The following PKP4 variants were observed in gnomAD, a reference collection of about 807,000 sequenced individuals.
PKP4 encodes the protein plakophilin 4.
A neutral mutation model predicts 145.1 loss-of-function variants in PKP4; 90 were observed. That is an observed-to-expected ratio of 0.62 (90% CI 0.52 to 0.74). The LOEUF (loss-of-function observed/expected upper bound fraction) is 0.74. Among genes scored for constraint, PKP4 ranks in the 30% least tolerant of loss-of-function variants. PKP4 has a pLI of 0.00. For synonymous variants in PKP4, 563 were observed against 577.2 expected, an observed-to-expected ratio of 0.98 and a Z score of 0.35; for missense variants, 1,340 against 1,482.7, an observed-to-expected ratio of 0.90 and a Z score of 1.58.
At chr2:158,493,042 TC>T (rs1458797959) in intron 1 of PKP4, among the ~76,000 whole-genome samples, 1 of 152,172 alleles carries the variant, frequency 6.6e-6, no homozygotes, top group African/African-American at 2.4e-5. Context: ...ATTATAACAG[TC>T]CTTTGACCCC....
In PKP4 at chr2:158,600,111, C is replaced by T. The variant is rs536106691; in HGVS notation, c.246-2959C>T. On this transcript the variant is annotated intron_variant, in intron 3 of 21. Transcript: ENST00000389759. ...CTTCCTGTAAACAAAACTGATTTTTCGTATTAAAATGAACTGTTTTGTTAA... is the reference window on the plus strand; with the variant it reads ...CTTCCTGTAAACAAAACTGATTTTTTGTATTAAAATGAACTGTTTTGTTAA... 1.4e-4 allele frequency among the ~76,000 whole-genome samples: 21 copies of T among 152,240 alleles called. No homozygotes were observed. The East Asian group carries it at 4.0e-3, about 29-fold the overall frequency.
chr2:158,500,908 ATGC>A (rs1696460309), intron 1 of PKP4, among the ~76,000 whole-genome samples: 1 of 152,174 alleles, frequency 6.6e-6, no homozygotes, highest in East Asian at 1.9e-4. Flanking sequence ...CAGAATCTTG[ATGC>A]CCAGCCTCCC....
intron 2 of PKP4, among the ~76,000 whole-genome samples, chr2:158,572,708 A>G (rs1478768259): frequency 6.6e-6 from 1 of 152,218 alleles, no homozygotes; most frequent in Non-Finnish European, 1.5e-5. Context: ...TACGATACCT[A>G]TGAGATTCAA....
At chr2:158,523,358 C>CG (rs1475731770) in intron 1 of PKP4, among the ~76,000 whole-genome samples, 3 of 67,366 alleles carry the variant, frequency 4.5e-5, no homozygotes, top group South Asian at 1.0e-3. Context: ...GAGGCACCCC[C>CG]CCAGCAGGGG....
At position 158,577,295 on chromosome 2, in the gene PKP4, C is replaced by G. The variant is rs771934822; in HGVS notation, c.157C>G (p.Arg53Gly). The change falls in exon 3 of 22, where the codon CGA becomes GGA. Residue 53 changes from arginine to glycine, a missense_variant. Coordinates refer to ENST00000389759, the MANE Select transcript of PKP4 (RefSeq NM_003628.6). ...GGAGCTTCAGTTTCAGCGACTCACC[C>G]GAGAACTGGAAGTGGAAAGGCAGAT... ...EQELQFQRLT[R>G]ELEVERQIVA... is the part of the protein sequence containing the mutation. 2.5e-6 allele frequency: 4 copies of G among 1,613,424 alleles called. No homozygotes were observed. The East Asian group carries it at 6.7e-5, about 27-fold the overall frequency.
chr2:158,532,348 C>A (rs1387945088), intron 1 of PKP4, among the ~76,000 whole-genome samples: 1 of 152,084 alleles, frequency 6.6e-6, no homozygotes, highest in African/African-American at 2.4e-5. Flanking sequence ...GAAAATATAT[C>A]ATCCTTCATT....
At chr2:158,648,369 G>A (rs796580751) in intron 11 of PKP4, among the ~76,000 whole-genome samples, 20 of 152,300 alleles carry the variant, frequency 1.3e-4, no homozygotes, top group African/African-American at 4.8e-4. Context: ...TTGTAACTAA[G>A]GAAGGGTAGA....
intron 8 of PKP4, among the ~76,000 whole-genome samples, chr2:158,633,416 T>C (rs2053554958): frequency 6.6e-6 from 1 of 152,222 alleles, no homozygotes; most frequent in South Asian, 2.1e-4. Context: ...ACTAACAGAC[T>C]AGTAGCATCT....
intron 1 of PKP4, among the ~76,000 whole-genome samples, chr2:158,505,820 G>T (rs2040924483): frequency 6.6e-6 from 1 of 151,992 alleles, no homozygotes; most frequent in Non-Finnish European, 1.5e-5. Flanking sequence ...TTGCAGGGAG[G>T]GATAGAGTGC....
chr2:158,677,519 G>A (rs1038356283), intron 20 of PKP4, among the ~76,000 whole-genome samples: 5 of 152,162 alleles, frequency 3.3e-5, no homozygotes, highest in East Asian at 1.9e-4. Flanking sequence ...ACCGTCTGGC[G>A]ATTATAACTA....
rs1186628988 is a variant in PKP4 at position 158,621,077 on chromosome 2, G to A, written c.368G>A (p.Gly123Glu). 1.2e-6 allele frequency: 2 copies of A among 1,614,134 alleles called. No individual in the cohort carries two copies. The highest frequency in any genetic ancestry group is 1.7e-6 in the Non-Finnish European group (2 of 1,179,998). Residue 123 changes from glycine (G) to glutamate (E), a missense_variant, in exon 5 of 22, where the codon GGA becomes GAA. Coordinates refer to ENST00000389759, the MANE Select transcript of PKP4 (RefSeq NM_003628.6). Reference sequence around the variant, plus strand: ...CTCATCAGGACAGAGCCAGAACAAGGAACCCTCTATTCACCAGAACAGACA... The same window carrying A: ...CTCATCAGGACAGAGCCAGAACAAGAAACCCTCTATTCACCAGAACAGACA... ...NYLIRTEPEQGTLYSPEQTSL... is the reference protein window; with the variant it reads ...NYLIRTEPEQETLYSPEQTSL...
At chr2:158,522,755 C>T (rs1398419071) in intron 1 of PKP4, among the ~76,000 whole-genome samples, 1 of 152,182 alleles carries the variant, frequency 6.6e-6, no homozygotes, top group Admixed American at 6.5e-5. Flanking sequence ...AGACAGTGGG[C>T]GCAGGCCAGT....
In PKP4 at chr2:158,478,577, C is replaced by T. The variant is rs372239261; in HGVS notation, c.-6+21359C>T. 1.5e-3 allele frequency among the ~76,000 whole-genome samples: 235 copies of T among 152,280 alleles called. 1 individual carries two copies. The highest frequency in any genetic ancestry group is 5.0e-3 in the African/African-American group (209 of 41,540). On this transcript the variant is annotated intron_variant, in intron 1 of 21. Transcript: ENST00000389759. ...TAGTTTTCTAAATATTTGGATAGAT[C>T]GCCTAAGTTATCAGTGATGGCTTAA...
chr2:158,664,411 C>A (rs1039331893), intron 15 of PKP4, among the ~76,000 whole-genome samples: 1 of 152,138 alleles, frequency 6.6e-6, no homozygotes, highest in African/African-American at 2.4e-5. Flanking sequence ...TTCTAAATGT[C>A]CCCCAGCAAC....
At chr2:158,597,178 A>G (rs986410325) in intron 3 of PKP4, among the ~76,000 whole-genome samples, 9 of 152,206 alleles carry the variant, frequency 5.9e-5, no homozygotes, top group African/African-American at 2.2e-4. Flanking sequence ...TAAATGATCA[A>G]CAGATATTTG....
chr2:158,577,448 A>G (rs781344887), intron 3 of PKP4, 65 bp downstream of exon 3: 15 of 992,500 alleles, frequency 1.5e-5, no homozygotes, highest in Admixed American at 7.0e-5. Context: ...GTTGTTCTCT[A>G]TGCAGCAAAA....
intron 1 of PKP4, among the ~76,000 whole-genome samples, chr2:158,463,861 T>C (rs943452070): frequency 2.0e-5 from 3 of 152,190 alleles, no homozygotes; most frequent in Admixed American, 1.3e-4. Context: ...CTGTGACCCC[T>C]CTGTGGCTGA....
intron 1 of PKP4, among the ~76,000 whole-genome samples, chr2:158,518,373 C>G (rs1281569440): frequency 6.6e-6 from 1 of 152,224 alleles, no homozygotes; most frequent in African/African-American, 2.4e-5. Flanking sequence ...ATTCTGTGAT[C>G]AAAGCAAGTC....
At chr2:158,676,149 T>A (rs13417636) in intron 19 of PKP4, among the ~76,000 whole-genome samples, 1 of 152,094 alleles carries the variant, frequency 6.6e-6, no homozygotes, top group Non-Finnish European at 1.5e-5. Context: ...CCAGGCTTAC[T>A]GGGTTTAAAT....
Sources: gnomAD v4.1 joint callset for allele counts (sites outside exome capture counted in the v4.1 genomes callset) on GRCh38, gnomAD v4.1.1 for gene constraint, MANE v1.5 for transcripts, NCBI Gene and HGNC (gene_info 2026-07-23, HGNC 2026-07-21) for gene names.